CSMD1: variants seen among roughly 807,000 people sequenced by gnomAD.
CSMD1 encodes the protein CUB and Sushi multiple domains 1.
CSMD1 carries 213 observed loss-of-function variants against 417.5 expected under a neutral mutation model. That is an observed-to-expected ratio of 0.51 (90% CI 0.46 to 0.57). The LOEUF is 0.57. Ranked by LOEUF, CSMD1 falls within the 20% of genes least tolerant of loss-of-function variation. The probability of loss-of-function intolerance (pLI) is 0.00; values close to 1 mark genes in which losing one functional copy is unlikely to be tolerated. For missense variants in CSMD1, 6,923 were observed against 4,529.7 expected (o/e 1.53, Z -15.17); for synonymous variants, 2,862 against 1,736.8 (o/e 1.65, Z -16.11).
chr8:4,748,484 G>C (rs927370597), intron 1 of CSMD1, among the ~76,000 whole-genome samples: 1 of 152,192 alleles, frequency 6.6e-6, no homozygotes, highest in Non-Finnish European at 1.5e-5. Flanking sequence ...GTGGCTGGCT[G>C]TGCGTCAGTT....
intron 25 of CSMD1, among the ~76,000 whole-genome samples, chr8:3,287,945 T>A: frequency 6.8e-6 from 1 of 146,536 alleles, no homozygotes; most frequent in Non-Finnish European, 1.5e-5. Context: ...GGGTTTGTCA[T>A]AGATAGCTCT....
At chr8:3,244,626 G>A (rs1011271718) in intron 26 of CSMD1, among the ~76,000 whole-genome samples, 2 of 152,176 alleles carry the variant, frequency 1.3e-5, no homozygotes, top group African/African-American at 4.8e-5. Flanking sequence ...GGACAGCCAG[G>A]GTGAAACATT....
At chr8:4,640,781 A>G (rs1396776326) in intron 1 of CSMD1, among the ~76,000 whole-genome samples, 1 of 151,848 alleles carries the variant, frequency 6.6e-6, no homozygotes, top group Non-Finnish European at 1.5e-5. Flanking sequence ...CAATAAAATA[A>G]TCGGTAGTTT....
intron 18 of CSMD1, among the ~76,000 whole-genome samples, chr8:3,382,134 C>G (rs537990640): frequency 6.6e-6 from 1 of 151,862 alleles, no homozygotes; most frequent in African/African-American, 2.4e-5. Context: ...TGGTGGGAGC[C>G]TGTAATCCCG....
intron 50 of CSMD1, among the ~76,000 whole-genome samples, chr8:3,033,669 T>A (rs558370398): frequency 9.3e-5 from 14 of 150,328 alleles, no homozygotes; most frequent in African/African-American, 3.1e-4. Flanking sequence ...AAAACCTAGA[T>A]GACAGGTTGA....
chr8:3,282,668 A>C (rs146919607), intron 26 of CSMD1, among the ~76,000 whole-genome samples: 113 of 152,294 alleles, frequency 7.4e-4, no homozygotes, highest in African/African-American at 2.5e-3. Flanking sequence ...TACCATGTAC[A>C]AGTACTATTC....
intron 53 of CSMD1, among the ~76,000 whole-genome samples, chr8:2,998,532 C>T (rs985599373): frequency 6.6e-6 from 1 of 152,146 alleles, no homozygotes; most frequent in Admixed American, 6.5e-5. Context: ...TTGTATTAAT[C>T]ATGAGTTTTG....
At chr8:4,388,398 T>C (rs1198478357) in intron 3 of CSMD1, among the ~76,000 whole-genome samples, 1 of 151,818 alleles carries the variant, frequency 6.6e-6, no homozygotes, top group African/African-American at 2.4e-5. Flanking sequence ...TTAATGGCAT[T>C]TGCAGAGACC....
chr8:3,997,435 G>C (rs1409975740), intron 5 of CSMD1, among the ~76,000 whole-genome samples: 3 of 152,148 alleles, frequency 2.0e-5, no homozygotes, highest in Non-Finnish European at 4.4e-5. Context: ...GGATCTTGTA[G>C]CCACGGGCAC....
intron 1 of CSMD1, among the ~76,000 whole-genome samples, chr8:4,712,230 C>T (rs766893254): frequency 6.6e-6 from 1 of 152,232 alleles, no homozygotes; most frequent in Non-Finnish European, 1.5e-5. Context: ...TCATGATCCT[C>T]AGTGCAAATA....
intron 10 of CSMD1, among the ~76,000 whole-genome samples, chr8:3,562,922 TA>T (rs536977171): frequency 2.6e-4 from 39 of 147,850 alleles, no homozygotes; most frequent in African/African-American, 4.5e-4. Flanking sequence ...ACTTAAAAGT[TA>T]AAAAAAAAAC....
At chr8:4,850,059 A>C (rs1287039733) in intron 1 of CSMD1, among the ~76,000 whole-genome samples, 1 of 151,970 alleles carries the variant, frequency 6.6e-6, no homozygotes, top group Non-Finnish European at 1.5e-5. Flanking sequence ...GGCTTTTTTT[A>C]TTCTTGCCAT....
intron 52 of CSMD1, among the ~76,000 whole-genome samples, chr8:3,012,142 T>G (rs1808436841): frequency 6.6e-6 from 1 of 151,738 alleles, no homozygotes; most frequent in East Asian, 1.9e-4. Flanking sequence ...TTTATACTAA[T>G]GTACTCGGAT....
chr8:3,074,789 G>A (rs1330335960), intron 49 of CSMD1, among the ~76,000 whole-genome samples: 1 of 152,070 alleles, frequency 6.6e-6, no homozygotes, highest in East Asian at 1.9e-4. Context: ...AAAATAATGT[G>A]TATGCCATAT....
At chr8:4,750,885 G>A (rs1166971947) in intron 1 of CSMD1, among the ~76,000 whole-genome samples, 1 of 152,228 alleles carries the variant, frequency 6.6e-6, no homozygotes, top group South Asian at 2.1e-4. Flanking sequence ...AACACCCAGA[G>A]AAGCAGTACT....
At chr8:4,146,727 T>A (rs1804158653) in intron 3 of CSMD1, among the ~76,000 whole-genome samples, 1 of 143,536 alleles carries the variant, frequency 7.0e-6, no homozygotes, top group Non-Finnish European at 1.5e-5. Context: ...TTCTCCTGCC[T>A]CAGCCTCCAG....
chr8:3,888,411 C>T (rs368490328), intron 5 of CSMD1, among the ~76,000 whole-genome samples: 1 of 152,148 alleles, frequency 6.6e-6, no homozygotes, highest in African/African-American at 2.4e-5. Context: ...TATACGGAAA[C>T]CTTTTTTTAC....
chr8:3,244,372 G>A (rs111780616), intron 26 of CSMD1, among the ~76,000 whole-genome samples: 241 of 152,262 alleles, frequency 1.6e-3, no homozygotes, highest in African/African-American at 5.2e-3. Context: ...AACCTAGGAC[G>A]TGTCCTCCCC....
chr8:4,081,294 G>C (rs2554638), intron 3 of CSMD1, among the ~76,000 whole-genome samples: 2 of 152,052 alleles, frequency 1.3e-5, no homozygotes, highest in South Asian at 4.1e-4. Context: ...TCTCCTAGCA[G>C]GTAAGCTCTA....
Sources: gnomAD v4.1 joint callset for allele counts (sites outside exome capture counted in the v4.1 genomes callset) on GRCh38, gnomAD v4.1.1 for gene constraint, MANE v1.5 for transcripts, NCBI Gene and HGNC (gene_info 2026-07-23, HGNC 2026-07-21) for gene names.